R3HDM1: variants seen among roughly 807,000 people sequenced by gnomAD.
R3HDM1 encodes R3H domain containing 1, also known as R3H domain-containing protein 1.
A neutral mutation model predicts 141.1 loss-of-function variants in R3HDM1; 46 were observed. The observed-to-expected ratio is 0.33, with a 90% CI of 0.26 to 0.42. The LOEUF is 0.42. Among genes scored for constraint, R3HDM1 ranks in the 10% least tolerant of loss-of-function variants. The probability of loss-of-function intolerance (pLI) is 1.00; values close to 1 mark genes in which losing one functional copy is unlikely to be tolerated. For missense variants in R3HDM1, 1,184 were observed against 1,368.3 expected (o/e 0.87, Z 2.12); for synonymous variants, 435 against 472.9 (o/e 0.92, Z 1.04).
At chr2:135,670,138 C>CAAAA (rs869047478) in intron 19 of R3HDM1, 45 of 97,472 alleles carry the variant, frequency 4.6e-4, no homozygotes, top group African/African-American at 1.5e-3. Context: ...GACTCAGTCT[C>CAAAA]AAAAAAAAAA....
chr2:135,536,314 A>AT (rs1296900472), intron 1 of R3HDM1, among the ~76,000 whole-genome samples: 3 of 152,058 alleles, frequency 2.0e-5, no homozygotes, highest in Non-Finnish European at 4.4e-5. Context: ...CATATGGCTA[A>AT]TTTTTTAATT....
At chr2:135,597,111 T>C in intron 1 of R3HDM1, 1 of 979,532 alleles carries the variant, frequency 1.0e-6, no homozygotes, top group Non-Finnish European at 1.2e-6. Flanking sequence ...TCATATAGTC[T>C]TACAAGACTC....
At chr2:135,608,331 A>G (rs181912155) in intron 3 of R3HDM1, among the ~76,000 whole-genome samples, 57 of 151,738 alleles carry the variant, frequency 3.8e-4, no homozygotes, top group South Asian at 6.2e-4. Flanking sequence ...AATAATAATA[A>G]TAATAATAAT....
chr2:135,616,407 C>T (rs566940639), intron 4 of R3HDM1, among the ~76,000 whole-genome samples: 4 of 151,916 alleles, frequency 2.6e-5, no homozygotes, highest in South Asian at 2.1e-4. Context: ...TAGAGAAAAT[C>T]GCTTTCTCAC....
chr2:135,666,872 T>C (rs1000344317), intron 19 of R3HDM1, among the ~76,000 whole-genome samples: 4 of 150,824 alleles, frequency 2.7e-5, no homozygotes, highest in Non-Finnish European at 4.4e-5. Context: ...TTTGGTCTTG[T>C]AGATGCCTAG....
intron 16 of R3HDM1, among the ~76,000 whole-genome samples, chr2:135,648,630 G>C (rs1385050334): frequency 1.3e-5 from 2 of 152,074 alleles, no homozygotes; most frequent in African/African-American, 4.8e-5. Context: ...ACTGCCTTCT[G>C]TAAAGTGGGT....
At chr2:135,621,665 C>T in intron 6 of R3HDM1, 57 bp downstream of exon 6, 1 of 1,442,572 alleles carries the variant, frequency 6.9e-7, no homozygotes, top group East Asian at 2.5e-5. Context: ...TAATTCCATC[C>T]TTTTCCCCTT....
At chr2:135,658,594 A>G (rs1205594306) in intron 18 of R3HDM1, among the ~76,000 whole-genome samples, 1 of 152,230 alleles carries the variant, frequency 6.6e-6, no homozygotes, top group Non-Finnish European at 1.5e-5. Context: ...TGTAGACTTC[A>G]TAAACACTCT....
rs919950564 is a variant in R3HDM1, at chr2:135,683,521, TC to T, written c.2459+3199del. Among the ~76,000 whole-genome samples, 3 of 138,058 alleles carry T rather than the reference TC, an allele frequency of 2.2e-5. No homozygotes were observed. In the Admixed American group the frequency reaches 2.4e-4, roughly 11 times the overall value. The allele number at this position is 138,058 out of a possible 152,430, so 90.6% of individuals were successfully genotyped here. A position where few individuals can be genotyped will look rare whatever the true frequency, so the allele number is the denominator to read the frequency against. On this transcript the variant is annotated intron_variant, in intron 21 of 26. Transcript: ENST00000683871. ...GTGAGCCGAGATCATGCCACTGCAC[TC>T]CAGCCTGGGCAGCAGAGTAAGAACC...
At chr2:135,583,245 T>C (rs952456707) in intron 1 of R3HDM1, among the ~76,000 whole-genome samples, 1 of 152,142 alleles carries the variant, frequency 6.6e-6, no homozygotes, top group Non-Finnish European at 1.5e-5. Flanking sequence ...TAATACTGAT[T>C]TTTTTTTCAG....
At chr2:135,540,553 C>T (rs1431950462) in intron 1 of R3HDM1, among the ~76,000 whole-genome samples, 2 of 152,128 alleles carry the variant, frequency 1.3e-5, no homozygotes, top group Non-Finnish European at 2.9e-5. Flanking sequence ...AGTGCTGGTG[C>T]ATGCCACCAC....
chr2:135,593,042 T>C (rs906516895), intron 1 of R3HDM1, among the ~76,000 whole-genome samples: 2 of 151,884 alleles, frequency 1.3e-5, no homozygotes, highest in Admixed American at 6.6e-5. Context: ...GCCTCAGCCT[T>C]CCAAATAGCT....
intron 1 of R3HDM1, among the ~76,000 whole-genome samples, chr2:135,587,888 A>T (rs1382487246): frequency 6.7e-6 from 1 of 150,252 alleles, no homozygotes; most frequent in Non-Finnish European, 1.5e-5. Context: ...CTCTCCCTCC[A>T]TCTTCCATTC....
intron 17 of R3HDM1, chr2:135,651,498 G>A (rs1299460857): frequency 1.0e-6 from 1 of 959,810 alleles, no homozygotes; most frequent in African/African-American, 1.8e-5. Flanking sequence ...TTTTCTGCAT[G>A]CTGTGCATTC....
intron 19 of R3HDM1, among the ~76,000 whole-genome samples, chr2:135,675,094 A>G (rs2068957112): frequency 6.6e-6 from 1 of 152,148 alleles, no homozygotes; most frequent in South Asian, 2.1e-4. Context: ...GTGTGACCCT[A>G]TAATCTTTGC....
intron 18 of R3HDM1, among the ~76,000 whole-genome samples, chr2:135,659,105 C>T (rs1056083047): frequency 1.4e-4 from 18 of 132,098 alleles, no homozygotes; most frequent in Non-Finnish European, 2.6e-4. Flanking sequence ...TGGAGTTGTT[C>T]TTTGTTTTTT....
intron 1 of R3HDM1, among the ~76,000 whole-genome samples, chr2:135,571,509 A>G (rs1026051187): frequency 6.6e-6 from 1 of 151,814 alleles, no homozygotes; most frequent in Non-Finnish European, 1.5e-5. Flanking sequence ...GTATTTTAGT[A>G]GAGACCAGGT....
chr2:135,553,836 G>A (rs942628969), intron 1 of R3HDM1, among the ~76,000 whole-genome samples: 3 of 152,262 alleles, frequency 2.0e-5, no homozygotes, highest in East Asian at 1.9e-4. Flanking sequence ...GATTACAGGC[G>A]TGAGCCACCA....
At chr2:135,618,733 T>G (rs1024431082) in intron 5 of R3HDM1, among the ~76,000 whole-genome samples, 2 of 152,096 alleles carry the variant, frequency 1.3e-5, no homozygotes, top group Non-Finnish European at 2.9e-5. Context: ...TAAAAAGTTC[T>G]TTTGGCCAGG....
Sources: gnomAD v4.1 joint callset for allele counts (sites outside exome capture counted in the v4.1 genomes callset) on GRCh38, gnomAD v4.1.1 for gene constraint, MANE v1.5 for transcripts, NCBI Gene and HGNC (gene_info 2026-07-23, HGNC 2026-07-21) for gene names.